SYCP1: variants seen among roughly 807,000 people sequenced by gnomAD.
The protein encoded by SYCP1 is synaptonemal complex protein 1.
A neutral mutation model predicts 153.1 loss-of-function variants in SYCP1; 64 were observed. The observed-to-expected ratio is 0.42, with a 90% confidence interval of 0.34 to 0.51. The LOEUF is 0.51. Ranked by LOEUF, SYCP1 falls within the 20% of genes least tolerant of loss-of-function variation. SYCP1 has a pLI of 0.06. For missense variants in SYCP1, 997 were observed against 1,049.0 expected (o/e 0.95, Z 0.68); for synonymous variants, 384 against 341.8 (o/e 1.12, Z -1.36).
chr1:114,966,857 G>A (rs533154813), intron 27 of SYCP1, among the ~76,000 whole-genome samples: 17 of 151,840 alleles, frequency 1.1e-4, no homozygotes, highest in Non-Finnish European at 1.8e-4. Context: ...GCTAATTTTT[G>A]TACTTTTTGT....
chr1:114,984,213 T>C (rs1226411372), intron 29 of SYCP1, among the ~76,000 whole-genome samples: 1 of 152,110 alleles, frequency 6.6e-6, no homozygotes, highest in Non-Finnish European at 1.5e-5. Flanking sequence ...CTTTTGACCT[T>C]ACTTTTTAAA....
At chr1:114,928,695 G>A (rs536845576) in intron 23 of SYCP1, among the ~76,000 whole-genome samples, 3 of 152,248 alleles carry the variant, frequency 2.0e-5, no homozygotes, top group Admixed American at 6.5e-5. Context: ...ATAACACAAA[G>A]GACAGGGGAG....
At position 114,857,466 on chromosome 1, in the gene SYCP1, A is replaced by G. The variant is rs146221635; in HGVS notation, c.260A>G (p.Tyr87Cys). 7,347 of 1,600,976 alleles carry G rather than the reference A, an allele frequency of 4.6e-3. 29 individuals are homozygous for G. Among genetic ancestry groups the G allele is most frequent in the Non-Finnish European group, 5.5e-3 (6,463 of 1,173,434 alleles). ...TAGGTTGGTAATTCTGACTGTCACT[A>G]TCAGGAAGGACTAAAAGACTCTGAT... ...LEQVGNSDCH[Y>C]QEGLKDSDLE... Residue 87 changes from tyrosine (Y) to cysteine (C), a missense_variant, in exon 5 of 32, where the codon TAT becomes TGT. This residue lies in a region of SYCP1 where 285 missense variants were observed against 366.1 expected (regional missense o/e 0.78). Coordinates refer to ENST00000369522, the MANE Select transcript of SYCP1 (RefSeq NM_003176.4).
chr1:114,902,103 G>A (rs1280843228), intron 16 of SYCP1, among the ~76,000 whole-genome samples: 1 of 152,004 alleles, frequency 6.6e-6, no homozygotes, highest in Non-Finnish European at 1.5e-5. Context: ...AACGGGGAGG[G>A]GAGGGCGGCG....
chr1:114,879,582 A>G (rs936354640), intron 12 of SYCP1, among the ~76,000 whole-genome samples: 5 of 152,168 alleles, frequency 3.3e-5, no homozygotes, highest in African/African-American at 9.7e-5. Context: ...ATTGGGTCTT[A>G]AATATCTTTG....
chr1:114,959,773 A>G (rs1671665699), intron 27 of SYCP1, among the ~76,000 whole-genome samples: 1 of 150,548 alleles, frequency 6.6e-6, no homozygotes, highest in Non-Finnish European at 1.5e-5. Context: ...TCATCCTTCT[A>G]TTCTCTATCT....
At chr1:114,867,226 C>T (rs975738226) in intron 8 of SYCP1, among the ~76,000 whole-genome samples, 5 of 151,984 alleles carry the variant, frequency 3.3e-5, no homozygotes, top group African/African-American at 7.2e-5. Context: ...ATATCGTGTT[C>T]GCTCTTCTGA....
At chr1:114,965,722 T>G (rs903016380) in intron 27 of SYCP1, among the ~76,000 whole-genome samples, 6 of 152,180 alleles carry the variant, frequency 3.9e-5, no homozygotes, top group Admixed American at 3.9e-4. Flanking sequence ...GATAAGCTTT[T>G]TGATGTGCTG....
At position 114,859,085 on chromosome 1, in the gene SYCP1, AT is replaced by A. The variant is rs5777207; in HGVS notation, c.456+382del. Among the ~76,000 whole-genome samples the A allele has an allele frequency of 0.012, 1,787 of 151,960 alleles. 227 individuals are homozygous for A. In the East Asian group the frequency reaches 0.28, roughly 24 times the overall value. ...TTTAAATTTGAAACTGTGTAACTTT[AT>A]TTTTTTTATTTATTTTTGTGAGACA... On this transcript the variant is annotated intron_variant, in intron 6 of 31. Transcript: ENST00000369522.
chr1:114,905,480 G>A (rs1273795610), intron 16 of SYCP1, among the ~76,000 whole-genome samples: 1 of 152,170 alleles, frequency 6.6e-6, no homozygotes, highest in Non-Finnish European at 1.5e-5. Flanking sequence ...GGATTTACGG[G>A]AAGTACCTTC....
At chr1:114,906,811 A>C (rs1667839777) in intron 16 of SYCP1, among the ~76,000 whole-genome samples, 1 of 152,270 alleles carries the variant, frequency 6.6e-6, no homozygotes, top group Middle Eastern at 3.4e-3. Flanking sequence ...GTATTCTGCT[A>C]TTGTTAGGTA....
In SYCP1 at chr1:114,953,366, C is replaced by A. The variant is rs73004472; in HGVS notation, c.2322+6046C>A. On this transcript the variant is annotated intron_variant, in intron 27 of 31. Transcript: ENST00000369522. ...TCCTTTTATGGATTGTGCTTTTGATCCCAAGTCTAAGAACTCTTTCCCTAG... is the reference window on the plus strand; with the variant it reads ...TCCTTTTATGGATTGTGCTTTTGATACCAAGTCTAAGAACTCTTTCCCTAG... Among the ~76,000 whole-genome samples the A allele has an allele frequency of 6.6e-3, 1,007 of 152,224 alleles. 6 individuals are homozygous for A. Among genetic ancestry groups the A allele is most frequent in the African/African-American group, 0.023 (949 of 41,512 alleles).
At position 114,885,561 on chromosome 1, in the gene SYCP1, T is replaced by C. The variant is rs1193222617; in HGVS notation, c.937T>C (p.Ser313Pro). 6.3e-7 allele frequency: 1 copy of C among 1,579,042 alleles called. No individual in the cohort carries two copies. The highest frequency in any genetic ancestry group is 1.8e-5 in the Admixed American group (1 of 55,288). Residue 313 changes from serine to proline, a missense_variant, in exon 13 of 32, where the codon TCA becomes CCA. By Grantham distance (74) the Ser-to-Pro change is moderately conservative. Transcript: ENST00000369522. ...TKLQSENLKQ[S>P]IEKQHHLTKE... ...ATTACAGAGTGAAAACTTAAAACAA[T>C]CAATTGAGAAACAGCATCATTTGAC...
rs549837965 is a variant in SYCP1 at position 114,855,699 on chromosome 1, T to C, written c.108+127T>C. 19 of 695,718 alleles carry C rather than the reference T, an allele frequency of 2.7e-5. No individual in the cohort carries two copies. The East Asian group carries it at 5.1e-4, about 19-fold the overall frequency. 43.1% of individuals were successfully genotyped at this position (695,718 alleles called of 1,614,324 possible). A position where few individuals can be genotyped will look rare whatever the true frequency, so the allele number is the denominator to read the frequency against. On this transcript the variant is annotated intron_variant, in intron 2 of 31. Coordinates refer to ENST00000369522, the MANE Select transcript of SYCP1 (RefSeq NM_003176.4). ...ATAAATGGTCTCATTTACCCAAGAATTTTGAATCCCATTGCTTTAAATGAA... is the reference window on the plus strand; with the variant it reads ...ATAAATGGTCTCATTTACCCAAGAACTTTGAATCCCATTGCTTTAAATGAA...
chr1:114,929,647 T>C (rs1669501296), intron 23 of SYCP1, among the ~76,000 whole-genome samples: 1 of 152,012 alleles, frequency 6.6e-6, no homozygotes, highest in Non-Finnish European at 1.5e-5. Flanking sequence ...GATAAAGTTG[T>C]CAATTCATTA....
chr1:114,910,303 CT>C, intron 16 of SYCP1, 93 bp from the exon 17 acceptor site: 1 of 779,396 alleles, frequency 1.3e-6, no homozygotes, highest in Non-Finnish European at 2.0e-6. Context: ...CAGGGGGAAG[CT>C]CATAGTTCTT....
intron 28 of SYCP1, 100 bp downstream of exon 28, chr1:114,977,716 C>T (rs745412759): frequency 1.7e-5 from 12 of 695,134 alleles, no homozygotes; most frequent in Non-Finnish European, 2.8e-5. Flanking sequence ...TAACATTTTA[C>T]ATATATCATA....
chr1:114,878,300 A>G (rs1362444785), intron 12 of SYCP1, 98 bp downstream of exon 12: 2 of 793,778 alleles, frequency 2.5e-6, no homozygotes, highest in Non-Finnish European at 4.1e-6. Context: ...AATGCTTTCT[A>G]GTACTGTACT....
intron 12 of SYCP1, among the ~76,000 whole-genome samples, chr1:114,883,005 A>G (rs1323488398): frequency 6.6e-6 from 1 of 152,184 alleles, no homozygotes; most frequent in Non-Finnish European, 1.5e-5. Context: ...TCATATTTCA[A>G]ACCAAAAGTC....
Sources: gnomAD v4.1 joint callset for allele counts (sites outside exome capture counted in the v4.1 genomes callset) on GRCh38, gnomAD v4.1.1 for gene constraint, gnomAD v4.1.1 regional missense constraint, MANE v1.5 for transcripts, NCBI Gene and HGNC (gene_info 2026-07-23, HGNC 2026-07-21) for gene names.